Variants in SLC39A8 observed in about 807,000 individuals in gnomAD.
SLC39A8 encodes the protein solute carrier family 39 member 8, also known as metal cation symporter ZIP8.
SLC39A8 carries 15 observed loss-of-function variants against 40.4 expected under a neutral mutation model. That is an observed-to-expected ratio of 0.37 (90% CI 0.25 to 0.57). The LOEUF (loss-of-function observed/expected upper bound fraction) is 0.57. SLC39A8 is among the 20% of genes least tolerant of loss of function. The pLI is 0.75. For synonymous variants in SLC39A8, 223 were observed against 221.6 expected (o/e 1.01, Z -0.06); for missense variants, 472 against 558.8 (o/e 0.84, Z 1.57).
rs186897000 is a variant in SLC39A8, at chr4:102,312,505, G to A, written c.382+3163C>T. Among the ~76,000 whole-genome samples the A allele has an allele frequency of 1.6e-4, 25 of 152,172 alleles. No individual in the cohort carries two copies. The East Asian group carries it at 1.9e-3, about 12-fold the overall frequency. ...CTGGTTCCTGAAACAGAGTAACCTA[G>A]TCAACTGGGGTTTAAAAATTACTTT... On this transcript the variant is annotated intron_variant, in intron 3 of 8. Transcript: ENST00000356736.
rs554426304 is a variant in SLC39A8 at position 102,317,757 on chromosome 4, G to A, written c.220-1927C>T. On this transcript the variant is annotated intron_variant, in intron 2 of 8. Coordinates refer to ENST00000356736, the MANE Select transcript of SLC39A8 (RefSeq NM_001135146.2). Reference sequence around the variant, plus strand: ...ACTTGGACTTTAAATTCCTCCAACTGTAAAATAGGAGGAAAACGGGAAGAT... The same window carrying A: ...ACTTGGACTTTAAATTCCTCCAACTATAAAATAGGAGGAAAACGGGAAGAT... Among the ~76,000 whole-genome samples the A allele has an allele frequency of 7.9e-5, 12 of 152,188 alleles. No individual in the cohort carries two copies. In the East Asian group the frequency reaches 2.3e-3, roughly 29 times the overall value.
chr4:102,314,183 T>C (rs1240046622), intron 3 of SLC39A8, among the ~76,000 whole-genome samples: 1 of 152,034 alleles, frequency 6.6e-6, no homozygotes, highest in Non-Finnish European at 1.5e-5. Flanking sequence ...CCACAATCAA[T>C]CCAGGGCAAA....
At chr4:102,311,719 T>C (rs764204946) in intron 3 of SLC39A8, among the ~76,000 whole-genome samples, 1 of 152,106 alleles carries the variant, frequency 6.6e-6, no homozygotes, top group Non-Finnish European at 1.5e-5. Context: ...ATAAAGCACA[T>C]GAAATACTTT....
chr4:102,256,943 C>T (rs1342755354), downstream of SLC39A8, among the ~76,000 whole-genome samples: 1 of 152,090 alleles, frequency 6.6e-6, no homozygotes. Context: ...CTGTTACTAC[C>T]CCTAGGCCAA....
At position 102,267,603 on chromosome 4, in the gene SLC39A8, A is replaced by T. The variant is rs1423843581; in HGVS notation, c.1120T>A (p.Cys374Ser). 1.1e-5 allele frequency: 17 copies of T among 1,614,040 alleles called. No individual in the cohort carries two copies. Among genetic ancestry groups the T allele is most frequent in the East Asian group, 4.5e-5 (2 of 44,876 alleles). Residue 374 changes from cysteine (C) to serine (S), a missense_variant, in exon 8 of 9, where the codon TGT becomes AGT. Physicochemically the swap from Cys to Ser is moderately radical, Grantham distance 112. This residue lies in a region of SLC39A8 where 239 missense variants were observed against 317.9 expected (regional missense o/e 0.75). Transcript: ENST00000356736. ...AAAGCTAGCCCAACATAGCAGGAAC[A>T]TGCAGAAAGGAAGTTGAATAGCAAG... is the stretch of plus-strand genomic sequence containing the variant. ...QALLFNFLSA[C>S]SCYVGLAFGI...
chr4:102,255,049 C>CCATGAG (rs1731677415), intron 11 of SLC39A8, among the ~76,000 whole-genome samples: 2 of 152,094 alleles, frequency 1.3e-5, no homozygotes, highest in Non-Finnish European at 2.9e-5. Context: ...TAGAAATTAT[C>CCATGAG]CATGAGTTTT....
chr4:102,289,347 C>CG (rs1366611176), intron 6 of SLC39A8, among the ~76,000 whole-genome samples: 2 of 152,148 alleles, frequency 1.3e-5, no homozygotes, highest in Admixed American at 1.3e-4. Flanking sequence ...TGCATCTAGT[C>CG]ACCTAAGAGC....
Position 102,344,609 on chromosome 4 carries a change from G to A in SLC39A8, c.54C>T (p.Leu18=). The change falls in exon 2 of 9, where the codon CTC becomes CTT. Residue 18 remains leucine (L), a synonymous_variant. Transcript: ENST00000356736. ...GCCCTGGCCCCTCCGCCACTCCTCC[G>A]AGGCCGGCGGCCGCCAGCAACAGGA... is the stretch of plus-strand genomic sequence containing the variant. ...AGLLLLAAAG[L]GGVAEGPGLA... The A allele has an allele frequency of 6.5e-7, 1 of 1,540,440 alleles. No homozygotes were observed. The highest frequency in any genetic ancestry group is 1.2e-5 in the South Asian group (1 of 82,480).
intron 2 of SLC39A8, among the ~76,000 whole-genome samples, chr4:102,342,619 CAG>C (rs1384932090): frequency 1.3e-5 from 2 of 152,132 alleles, no homozygotes; most frequent in Non-Finnish European, 2.9e-5. Context: ...TTGATGCCCA[CAG>C]AGGCCATAAT....
intron 2 of SLC39A8, among the ~76,000 whole-genome samples, chr4:102,331,060 C>T (rs572445335): frequency 6.6e-6 from 1 of 152,234 alleles, no homozygotes; most frequent in African/African-American, 2.4e-5. Flanking sequence ...AAGCCCACAG[C>T]CAATATCATA....
intron 2 of SLC39A8, among the ~76,000 whole-genome samples, chr4:102,341,562 C>A (rs1459789046): frequency 6.6e-6 from 1 of 152,148 alleles, no homozygotes; most frequent in Non-Finnish European, 1.5e-5. Flanking sequence ...GCCCCAGAGA[C>A]CTATTTGGCT....
intron 2 of SLC39A8, among the ~76,000 whole-genome samples, chr4:102,338,548 T>C (rs1050018948): frequency 6.6e-6 from 1 of 152,162 alleles, no homozygotes; most frequent in Admixed American, 6.5e-5. Context: ...CATCGTAGCC[T>C]CCACAGCTCT....
At chr4:102,308,329 C>T (rs1474958737) in intron 3 of SLC39A8, among the ~76,000 whole-genome samples, 1 of 152,088 alleles carries the variant, frequency 6.6e-6, no homozygotes, top group African/African-American at 2.4e-5. Context: ...AGAAGAGATG[C>T]TGGTGACAGA....
At chr4:102,285,695 T>A (rs1439364485) in intron 6 of SLC39A8, among the ~76,000 whole-genome samples, 1 of 151,966 alleles carries the variant, frequency 6.6e-6, no homozygotes, top group Non-Finnish European at 1.5e-5. Flanking sequence ...CTATATAATA[T>A]AGTAATGTCA....
intron 6 of SLC39A8, among the ~76,000 whole-genome samples, chr4:102,296,629 CA>C (rs1733688079): frequency 6.6e-6 from 1 of 151,972 alleles, no homozygotes; most frequent in Admixed American, 6.6e-5. Context: ...TATTTTTTCC[CA>C]AATCAAACAA....
chr4:102,297,678 A>G (rs1381977569), intron 6 of SLC39A8, among the ~76,000 whole-genome samples: 2 of 152,086 alleles, frequency 1.3e-5, no homozygotes, highest in Non-Finnish European at 2.9e-5. Flanking sequence ...ATACTTTGGG[A>G]GGCTAAGGCA....
Position 102,344,704 on chromosome 4 carries a change from G to T in SLC39A8, c.-42C>A. 7.2e-7 allele frequency: 1 copy of T among 1,390,228 alleles called. No individual in the cohort carries two copies. Among genetic ancestry groups the T allele is most frequent in the Non-Finnish European group, 9.3e-7 (1 of 1,079,984 alleles). The allele number at this position is 1,390,228 out of a possible 1,614,324, so 86.1% of individuals were successfully genotyped here. A position where few individuals can be genotyped will look rare whatever the true frequency, so the allele number is the denominator to read the frequency against. On this transcript the variant is annotated 5_prime_UTR_variant, in exon 2 of 9. Transcript: ENST00000356736. ...CCTTGAGGGCCCGCGACGGGCTGCC[G>T]CGCAGAGGGACGCGCGCGGGCGCAC...
At chr4:102,319,773 T>G (rs550686176) in intron 2 of SLC39A8, among the ~76,000 whole-genome samples, 1 of 152,052 alleles carries the variant, frequency 6.6e-6, no homozygotes, top group African/African-American at 2.4e-5. Context: ...CTTCCCAAAT[T>G]AAACATTATT....
In SLC39A8 at chr4:102,325,966, A is replaced by C. The variant is rs576661409; in HGVS notation, c.220-10136T>G. Among the ~76,000 whole-genome samples, 275 of 152,216 alleles carry C rather than the reference A, an allele frequency of 1.8e-3. 2 individuals carry two copies. The highest frequency in any genetic ancestry group is 6.3e-3 in the African/African-American group (263 of 41,514). ...ACCCCATTCCATATTCAGCTTTTCG[A>C]GGTCTTGTCTTGAAAAGAGAAGGTG... On this transcript the variant is annotated intron_variant, in intron 2 of 8. Transcript: ENST00000356736.
Sources: gnomAD v4.1 joint callset for allele counts (sites outside exome capture counted in the v4.1 genomes callset) on GRCh38, gnomAD v4.1.1 for gene constraint, gnomAD v4.1.1 regional missense constraint, MANE v1.5 for transcripts, NCBI Gene and HGNC (gene_info 2026-07-23, HGNC 2026-07-21) for gene names.